The following GPR158 variants were observed in gnomAD, a reference collection of about 807,000 sequenced individuals.
GPR158 encodes metabotropic glycine receptor.
GPR158 carries 30 observed loss-of-function variants against 78.2 expected under a neutral mutation model. The ratio of observed to expected loss-of-function variants is 0.38; its 90% CI spans 0.29 to 0.52. GPR158 has a LOEUF of 0.52. Ranked by LOEUF, GPR158 falls within the 20% of genes least tolerant of loss-of-function variation. GPR158 has a pLI of 0.83. For missense variants in GPR158, 1,463 were observed against 1,523.5 expected (o/e 0.96, Z 0.66); for synonymous variants, 581 against 591.1 (o/e 0.98, Z 0.25).
intron 1 of GPR158, among the ~76,000 whole-genome samples, chr10:25,191,073 G>C (rs2130642266): frequency 6.6e-6 from 1 of 152,310 alleles, no homozygotes; most frequent in Middle Eastern, 3.4e-3. Context: ...ACAGTCCCCT[G>C]AAAGTTATTT....
chr10:25,584,845 A>G (rs921200848), intron 7 of GPR158, among the ~76,000 whole-genome samples: 5 of 152,256 alleles, frequency 3.3e-5, no homozygotes, highest in African/African-American at 1.2e-4. Context: ...GCGAAGATCA[A>G]TTCATGAATC....
At chr10:25,490,776 A>G (rs1835798994) in intron 5 of GPR158, among the ~76,000 whole-genome samples, 1 of 150,914 alleles carries the variant, frequency 6.6e-6, no homozygotes, top group East Asian at 2.0e-4. Context: ...TCTTTATAGC[A>G]GCATGATTTA....
At chr10:25,258,185 G>A (rs971403661) in intron 2 of GPR158, among the ~76,000 whole-genome samples, 2 of 152,178 alleles carry the variant, frequency 1.3e-5, no homozygotes, top group Non-Finnish European at 2.9e-5. Flanking sequence ...TAAACTAAGT[G>A]TAAGCAACTG....
At chr10:25,527,238 C>A (rs1341574873) in intron 5 of GPR158, among the ~76,000 whole-genome samples, 3 of 152,092 alleles carry the variant, frequency 2.0e-5, no homozygotes, top group African/African-American at 7.2e-5. Context: ...AATAACAAAA[C>A]TGTACAAGTG....
At chr10:25,280,448 T>C (rs1278485483) in intron 2 of GPR158, among the ~76,000 whole-genome samples, 3 of 152,204 alleles carry the variant, frequency 2.0e-5, no homozygotes, top group Non-Finnish European at 4.4e-5. Flanking sequence ...ATGCACCTAA[T>C]AAGATAGCTT....
chr10:25,189,816 G>T (rs75247045), intron 1 of GPR158, among the ~76,000 whole-genome samples: 1 of 145,078 alleles, frequency 6.9e-6, no homozygotes, highest in Admixed American at 6.9e-5. Context: ...AAAAAAAAAA[G>T]AGAAAAGAAA....
chr10:25,238,496 A>ATTCT (rs1853559255), intron 2 of GPR158, among the ~76,000 whole-genome samples: 5 of 152,362 alleles, frequency 3.3e-5, no homozygotes, highest in African/African-American at 1.2e-4. Context: ...ATAAATGGTC[A>ATTCT]AGGTGTGTTT....
chr10:25,424,015 C>G (rs1316974963), intron 4 of GPR158, among the ~76,000 whole-genome samples: 1 of 152,160 alleles, frequency 6.6e-6, no homozygotes, highest in East Asian at 1.9e-4. Context: ...AAAAGCGTTC[C>G]TATTTCTCCA....
chr10:25,597,525 C>T (rs1387047055), intron 10 of GPR158, among the ~76,000 whole-genome samples: 1 of 152,134 alleles, frequency 6.6e-6, no homozygotes, highest in Non-Finnish European at 1.5e-5. Context: ...AAGGTGCTTG[C>T]TCCTTGAAGC....
At chr10:25,356,018 A>G (rs1012171566) in intron 2 of GPR158, among the ~76,000 whole-genome samples, 9 of 152,024 alleles carry the variant, frequency 5.9e-5, no homozygotes, top group Admixed American at 2.6e-4. Context: ...GGAACTCCCA[A>G]TGCTTCTCAT....
At chr10:25,436,475 A>G (rs1021264045) in intron 4 of GPR158, among the ~76,000 whole-genome samples, 2 of 152,250 alleles carry the variant, frequency 1.3e-5, no homozygotes, top group Non-Finnish European at 2.9e-5. Flanking sequence ...GAAGAAAACA[A>G]GGAAAATGCC....
At chr10:25,585,160 T>C (rs142127459) in intron 7 of GPR158, among the ~76,000 whole-genome samples, 35 of 152,322 alleles carry the variant, frequency 2.3e-4, no homozygotes, top group African/African-American at 7.0e-4. Flanking sequence ...TGCAAGCAAA[T>C]AGAAACTAAA....
chr10:25,450,606 T>C (rs1390274908), intron 4 of GPR158, among the ~76,000 whole-genome samples: 1 of 152,150 alleles, frequency 6.6e-6, no homozygotes, highest in African/African-American at 2.4e-5. Context: ...TCTCTACTCT[T>C]GATTCTGGTA....
At chr10:25,280,714 T>A (rs1478551536) in intron 2 of GPR158, among the ~76,000 whole-genome samples, 1 of 148,648 alleles carries the variant, frequency 6.7e-6, no homozygotes, top group South Asian at 2.1e-4. Flanking sequence ...ATTTTATGTA[T>A]GTATGTATGT....
At chr10:25,331,112 T>C (rs921211097) in intron 2 of GPR158, among the ~76,000 whole-genome samples, 1 of 151,948 alleles carries the variant, frequency 6.6e-6, no homozygotes, top group Admixed American at 6.6e-5. Flanking sequence ...TTTATATATA[T>C]ATATTTTTGT....
chr10:25,509,418 C>G (rs1339630408), intron 5 of GPR158, among the ~76,000 whole-genome samples: 1 of 152,138 alleles, frequency 6.6e-6, no homozygotes, highest in Non-Finnish European at 1.5e-5. Flanking sequence ...GTCAATAATT[C>G]TGACAAGCTA....
chr10:25,294,768 G>A (rs1043137769), intron 2 of GPR158, among the ~76,000 whole-genome samples: 35 of 77,862 alleles, frequency 4.5e-4, no homozygotes, highest in African/African-American at 1.7e-3. Flanking sequence ...CTAAGAGCAT[G>A]GAAGCTCTTA....
At chr10:25,410,582 C>T (rs1834570317) in intron 3 of GPR158, among the ~76,000 whole-genome samples, 1 of 152,282 alleles carries the variant, frequency 6.6e-6, no homozygotes, top group Admixed American at 6.5e-5. Context: ...TGCCACTGCA[C>T]TCCAGCTTGG....
At chr10:25,359,647 C>A (rs1458082767) in intron 2 of GPR158, among the ~76,000 whole-genome samples, 1 of 152,152 alleles carries the variant, frequency 6.6e-6, no homozygotes, top group Non-Finnish European at 1.5e-5. Flanking sequence ...TTTTCTTTAT[C>A]CAGTCTATCA....
Sources: allele counts gnomAD v4.1 joint callset (sites outside exome capture counted in the v4.1 genomes callset), GRCh38; gene constraint gnomAD v4.1.1; transcripts MANE v1.5; gene names NCBI Gene and HGNC (gene_info 2026-07-23, HGNC 2026-07-21).